The following CPNE4 variants were observed in gnomAD, a reference collection of about 807,000 sequenced individuals.
CPNE4 encodes the protein copine 4.
CPNE4 carries 25 observed loss-of-function variants against 67.9 expected under a neutral mutation model. That is an observed-to-expected ratio of 0.37 (90% CI 0.27 to 0.51). CPNE4 has a LOEUF of 0.51. Among genes scored for constraint, CPNE4 ranks in the 20% least tolerant of loss-of-function variants. The pLI is 0.93. For synonymous variants in CPNE4, 242 were observed against 244.9 expected, an observed-to-expected ratio of 0.99 and a Z score of 0.11; for missense variants, 464 against 690.8, an observed-to-expected ratio of 0.67 and a Z score of 3.68.
In CPNE4 at chr3:131,912,012, C is replaced by A. The variant is rs140336155; in HGVS notation, c.-1-6568G>T. On this transcript the variant is annotated intron_variant, in intron 1 of 15. Coordinates refer to ENST00000429747, the MANE Select transcript of CPNE4 (RefSeq NM_130808.3). ...AGCGGAGTAAACAAGTAATTTCACA[C>A]ACTGCTAGAGAACAGGATTAATATA... 3.1e-3 allele frequency among the ~76,000 whole-genome samples: 468 copies of A among 152,270 alleles called. 3 individuals are homozygous for A. Among genetic ancestry groups the A allele is most frequent in the African/African-American group, 0.01 (434 of 41,562 alleles).
chr3:131,656,923 T>C (rs970154101), intron 7 of CPNE4, among the ~76,000 whole-genome samples: 2 of 152,152 alleles, frequency 1.3e-5, no homozygotes, highest in African/African-American at 2.4e-5. Context: ...ATTTCAGGCA[T>C]ATATCAGGAT....
At position 131,535,118 on chromosome 3, in the gene CPNE4, C is replaced by T; in HGVS notation, c.*77G>A. 1 of 1,408,060 alleles carries T rather than the reference C, an allele frequency of 7.1e-7. No individual in the cohort carries two copies. Among genetic ancestry groups the T allele is most frequent in the Non-Finnish European group, 9.6e-7 (1 of 1,044,268 alleles). 87.2% of individuals were successfully genotyped at this position (1,408,060 alleles called of 1,614,324 possible). The stretch of plus-strand genomic sequence containing the variant: ...TATATGTTGTTGGTTTTTTAAAGTA[C>T]AGGAGTAGTAGAAGTATTAAATATG... On this transcript the variant is annotated 3_prime_UTR_variant, in exon 16 of 16. Coordinates refer to ENST00000429747, the MANE Select transcript of CPNE4 (RefSeq NM_130808.3).
chr3:131,915,546 A>G (rs2089151530), intron 1 of CPNE4, among the ~76,000 whole-genome samples: 1 of 152,226 alleles, frequency 6.6e-6, no homozygotes, highest in Non-Finnish European at 1.5e-5. Context: ...ACAAAAGGCC[A>G]TGGTTTTCAT....
chr3:131,742,390 C>T (rs1583120027), intron 2 of CPNE4, among the ~76,000 whole-genome samples: 1 of 152,138 alleles, frequency 6.6e-6, no homozygotes, highest in Admixed American at 6.5e-5. Context: ...TGGAAGTATA[C>T]CATCAGCTGT....
At chr3:131,995,953 T>C (rs2073279784) in intron 1 of CPNE4, among the ~76,000 whole-genome samples, 1 of 152,162 alleles carries the variant, frequency 6.6e-6, no homozygotes, top group East Asian at 1.9e-4. Flanking sequence ...GTAAACTCTA[T>C]CACTATCACA....
At chr3:131,548,714 A>G (rs11917660) in intron 14 of CPNE4, among the ~76,000 whole-genome samples, 23,529 of 152,074 alleles carry the variant, frequency 0.15, 1,904 homozygotes, top group African/African-American at 0.21. Context: ...GAAAGAGAAA[A>G]TGATAAGAAT....
chr3:131,830,116 C>T lies in CPNE4; in HGVS notation c.180+75148G>A, dbSNP rs567327050. The stretch of plus-strand genomic sequence containing the variant: ...ATCTGGATGCCCAACAGCCAAATAC[C>T]TAGTGTGAATTTATCCCTGTGCTAC... On this transcript the variant is annotated intron_variant, in intron 2 of 15. Coordinates refer to ENST00000429747, the MANE Select transcript of CPNE4 (RefSeq NM_130808.3). Among the ~76,000 whole-genome samples, 3 of 152,274 alleles carry T rather than the reference C, an allele frequency of 2.0e-5. No individual in the cohort carries two copies. The South Asian group carries it at 6.2e-4, about 32-fold the overall frequency.
chr3:131,623,372 T>C (rs7611335), intron 7 of CPNE4, among the ~76,000 whole-genome samples: 40,623 of 152,084 alleles, frequency 0.27, 8,763 homozygotes, highest in African/African-American at 0.6. Context: ...TTAAATGTTC[T>C]ATCTCCCCTC....
At chr3:131,709,431 C>T (rs60326703) in intron 3 of CPNE4, among the ~76,000 whole-genome samples, 5,655 of 152,192 alleles carry the variant, frequency 0.037, 278 homozygotes, top group African/African-American at 0.11. Context: ...ATCTGGTGAA[C>T]GTGGGGACCC....
intron 2 of CPNE4, among the ~76,000 whole-genome samples, chr3:131,882,278 T>C (rs1041511965): frequency 1.3e-5 from 2 of 152,134 alleles, no homozygotes; most frequent in African/African-American, 2.4e-5. Flanking sequence ...TTAATAAACT[T>C]CTTAACATAA....
intron 1 of CPNE4, among the ~76,000 whole-genome samples, chr3:131,978,119 TA>T (rs1301167088): frequency 1.5e-5 from 1 of 65,064 alleles, no homozygotes; most frequent in Non-Finnish European, 2.5e-5. Flanking sequence ...AAAATATATA[TA>T]AATATATATA....
At chr3:131,581,265 A>G (rs1937816967) in intron 9 of CPNE4, among the ~76,000 whole-genome samples, 1 of 152,082 alleles carries the variant, frequency 6.6e-6, no homozygotes, top group Non-Finnish European at 1.5e-5. Flanking sequence ...TGTTCTAGAA[A>G]TGTTGGCTTC....
At chr3:131,983,696 T>C (rs73208129) in intron 1 of CPNE4, among the ~76,000 whole-genome samples, 11,943 of 152,192 alleles carry the variant, frequency 0.078, 500 homozygotes, top group East Asian at 0.14. Context: ...ATTATATAAA[T>C]ATTTTCTATA....
intron 7 of CPNE4, among the ~76,000 whole-genome samples, chr3:131,602,850 G>A (rs1939282680): frequency 6.6e-6 from 1 of 152,130 alleles, no homozygotes. Context: ...GGGGACTGAT[G>A]GGTGGTTGGA....
At chr3:132,005,330 TATATATATATATACACACACAC>T (rs1409485926) in intron 1 of CPNE4, among the ~76,000 whole-genome samples, 32 of 28,356 alleles carry the variant, frequency 1.1e-3, no homozygotes, top group African/African-American at 1.9e-3. Flanking sequence ...TATATATATA[TATATATATATATACACACACAC>T]ACACACACAC....
intron 1 of CPNE4, among the ~76,000 whole-genome samples, chr3:131,917,489 A>G (rs2070595377): frequency 6.6e-6 from 1 of 152,134 alleles, no homozygotes; most frequent in South Asian, 2.1e-4. Context: ...GAAAGCCACT[A>G]CAGACATGGA....
At chr3:131,618,180 G>T (rs1940267631) in intron 7 of CPNE4, among the ~76,000 whole-genome samples, 1 of 152,096 alleles carries the variant, frequency 6.6e-6, no homozygotes, top group Non-Finnish European at 1.5e-5. Flanking sequence ...AAGGTGTGGG[G>T]GAGTGAATAC....
Position 131,587,474 on chromosome 3 carries a change from G to A in CPNE4, c.780+10C>T. ...ACTGGAGGCAAAACCAAAAGTGGTT[G>A]ACCATGTACCTGTTTCCCTTCCATT... On this transcript the variant is annotated intron_variant, in intron 8 of 15. Transcript: ENST00000429747. 1 of 1,607,452 alleles carries A rather than the reference G, an allele frequency of 6.2e-7. No individual in the cohort carries two copies.
chr3:131,844,081 T>C (rs567701185), intron 2 of CPNE4, among the ~76,000 whole-genome samples: 24 of 152,162 alleles, frequency 1.6e-4, no homozygotes, highest in African/African-American at 5.8e-4. Context: ...CATTTCCTTA[T>C]CTCTGGTTAC....
Sources: gnomAD v4.1 joint callset for allele counts (sites outside exome capture counted in the v4.1 genomes callset) on GRCh38, gnomAD v4.1.1 for gene constraint, MANE v1.5 for transcripts, NCBI Gene and HGNC (gene_info 2026-07-23, HGNC 2026-07-21) for gene names.